FNIP2: variants seen among roughly 807,000 people sequenced by gnomAD.
FNIP2 encodes folliculin-interacting protein 2.
Under a neutral mutation model 108.7 loss-of-function variants are expected in FNIP2, and 32 were observed. The observed-to-expected ratio is 0.29, with a 90% CI of 0.22 to 0.40. FNIP2 has a LOEUF of 0.40. FNIP2 is among the 10% of genes least tolerant of loss of function. The pLI, the probability that FNIP2 is intolerant of heterozygous loss-of-function variation, is 1.00. For missense variants in FNIP2, 1,202 were observed against 1,381.6 expected, an observed-to-expected ratio of 0.87 and a Z score of 2.06; for synonymous variants, 480 against 496.7, an observed-to-expected ratio of 0.97 and a Z score of 0.45.
intron 3 of FNIP2, among the ~76,000 whole-genome samples, chr4:158,829,868 T>C (rs1179334570): frequency 6.6e-6 from 1 of 152,214 alleles, no homozygotes; most frequent in Non-Finnish European, 1.5e-5. Context: ...CTTAAACCCA[T>C]GTAGAATCTT....
chr4:158,831,685 T>A (rs1778490916), intron 3 of FNIP2, among the ~76,000 whole-genome samples, 176 bp from the exon 4 acceptor site: 1 of 152,150 alleles, frequency 6.6e-6, no homozygotes, highest in East Asian at 1.9e-4. Context: ...TAGTAATACT[T>A]TGGGGGGGAA....
intron 16 of FNIP2, among the ~76,000 whole-genome samples, chr4:158,901,996 TCAAACTCAATTCTC>T (rs1039286255): frequency 6.6e-6 from 1 of 152,100 alleles, no homozygotes; most frequent in African/African-American, 2.4e-5. Context: ...TGTCAATTCA[TCAAACTCAATTCTC>T]CATCCAGTTT....
chr4:158,855,340 C>T (rs910603200), intron 8 of FNIP2, among the ~76,000 whole-genome samples: 5 of 152,152 alleles, frequency 3.3e-5, no homozygotes, highest in African/African-American at 4.8e-5. Flanking sequence ...AGAGGGGGGA[C>T]GCTGTGCGTG....
At chr4:158,854,323 C>T (rs1452968752) in intron 8 of FNIP2, among the ~76,000 whole-genome samples, 1 of 152,144 alleles carries the variant, frequency 6.6e-6, no homozygotes, top group Non-Finnish European at 1.5e-5. Flanking sequence ...TACCAGAGTC[C>T]CTCCTCTCTC....
chr4:158,820,974 G>A (rs1429794148), intron 1 of FNIP2, among the ~76,000 whole-genome samples: 1 of 152,160 alleles, frequency 6.6e-6, no homozygotes, highest in Non-Finnish European at 1.5e-5. Context: ...TACAGTACAT[G>A]GCTCTAGATA....
intron 9 of FNIP2, 122 bp downstream of exon 9, chr4:158,859,380 A>G (rs1780160487): frequency 1.7e-6 from 2 of 1,197,870 alleles, no homozygotes; most frequent in Admixed American, 5.0e-5. Flanking sequence ...TGTAGCAGTG[A>G]TAAATTTTAG....
chr4:158,825,413 T>C lies in FNIP2; in HGVS notation c.108-503T>C, dbSNP rs572387495. Among the ~76,000 whole-genome samples, 42 of 152,316 alleles carry C rather than the reference T, an allele frequency of 2.8e-4. No homozygotes were observed. In the South Asian group the frequency reaches 2.9e-3, roughly 11 times the overall value. On this transcript the variant is annotated intron_variant, in intron 1 of 16. Transcript: ENST00000264433. The stretch of plus-strand genomic sequence containing the variant: ...TAGAGCTAGCCATAATCGGGGAAGA[T>C]AATAAATTTTAGGGTATGTAATTCC...
chr4:158,882,153 C>T lies in FNIP2; in HGVS notation c.2950-9293C>T, dbSNP rs1415726297. On this transcript the variant is annotated intron_variant, in intron 14 of 16. Coordinates refer to ENST00000264433, the MANE Select transcript of FNIP2 (RefSeq NM_020840.3). Reference sequence around the variant, plus strand: ...ATGAGGAGCCCCTCTGCCCGGCAGCCGCCCCATCTGAGAAGTGAGGAGCCC... The same window carrying T: ...ATGAGGAGCCCCTCTGCCCGGCAGCTGCCCCATCTGAGAAGTGAGGAGCCC... Among the ~76,000 whole-genome samples the T allele has an allele frequency of 4.6e-5, 7 of 151,374 alleles. No homozygotes were observed. In the East Asian group the frequency reaches 5.9e-4, roughly 13 times the overall value.
At chr4:158,854,749 A>G (rs1363417007) in intron 8 of FNIP2, among the ~76,000 whole-genome samples, 1 of 152,194 alleles carries the variant, frequency 6.6e-6, no homozygotes, top group Non-Finnish European at 1.5e-5. Context: ...ATATGATCTA[A>G]TGGTAATAGA....
chr4:158,869,172 G>A lies in FNIP2; in HGVS notation c.2536G>A (p.Glu846Lys), dbSNP rs1221214237. 2 of 1,614,068 alleles carry A rather than the reference G, an allele frequency of 1.2e-6. No individual in the cohort carries two copies. The highest frequency in any genetic ancestry group is 1.7e-6 in the Non-Finnish European group (2 of 1,179,906). The change falls in exon 13 of 17, where the codon GAA becomes AAA. Residue 846 changes from glutamate to lysine, a missense_variant. By Grantham distance (56) the Glu-to-Lys change is moderately conservative. Transcript: ENST00000264433. The part of the protein sequence containing the change: ...ATRGLYVKAA[E>K]GPVLEPVAPR... ...TAGAGGTTTGTATGTGAAGGCTGCG[G>A]AAGGACCTGTGCTGGAGCCTGTTGC...
At chr4:158,828,738 G>A (rs1274960189) in intron 2 of FNIP2, among the ~76,000 whole-genome samples, 2 of 152,160 alleles carry the variant, frequency 1.3e-5, no homozygotes, top group African/African-American at 2.4e-5. Flanking sequence ...CCTCATCAAT[G>A]TAATGGATTA....
rs1729742292 is a variant in FNIP2, at chr4:158,905,396, A to G, written c.*852A>G. 6.6e-6 allele frequency: 1 copy of G among 152,230 alleles called. No individual in the cohort carries two copies. Among genetic ancestry groups the G allele is most frequent in the African/African-American group, 2.4e-5 (1 of 41,454 alleles). 9.4% of individuals were successfully genotyped at this position (152,230 alleles called of 1,614,324 possible). A position where few individuals can be genotyped will look rare whatever the true frequency, so the allele number is the denominator to read the frequency against. ...TACCAAAGTTATTTCTATAAGCTCA[A>G]GAGTGTTTCGGTTGGTAAGTTCTTC... On this transcript the variant is annotated 3_prime_UTR_variant, in exon 17 of 17. Coordinates refer to ENST00000264433, the MANE Select transcript of FNIP2 (RefSeq NM_020840.3).
chr4:158,852,156 A>G (rs887246246), intron 8 of FNIP2, among the ~76,000 whole-genome samples: 4 of 152,244 alleles, frequency 2.6e-5, no homozygotes, highest in African/African-American at 9.6e-5. Flanking sequence ...GTACTTGGAT[A>G]GTTTACAAGA....
rs202043597 is a variant in FNIP2, at chr4:158,904,546, C to T, written c.*2C>T. On this transcript the variant is annotated 3_prime_UTR_variant, in exon 17 of 17. Coordinates refer to ENST00000264433, the MANE Select transcript of FNIP2 (RefSeq NM_020840.3). The stretch of plus-strand genomic sequence containing the variant: ...TATGTGGCTCAAATACTCTTATAAG[C>T]TAAAGCTCAGGACAGTTCTTCCTTG... 1 of 1,611,628 alleles carries T rather than the reference C, an allele frequency of 6.2e-7. No homozygotes were observed. The highest frequency in any genetic ancestry group is 8.5e-7 in the Non-Finnish European group (1 of 1,178,850).
rs541559210 is a variant in FNIP2 at position 158,782,560 on chromosome 4, C to G, written c.107+13241C>G. Reference sequence around the variant, plus strand: ...TCCTCAAATTAGTTTCTTGACAGTTCTCTTGCCTCTTTTGATTCATTTCAC... The same window carrying G: ...TCCTCAAATTAGTTTCTTGACAGTTGTCTTGCCTCTTTTGATTCATTTCAC... On this transcript the variant is annotated intron_variant, in intron 1 of 16. Coordinates refer to ENST00000264433, the MANE Select transcript of FNIP2 (RefSeq NM_020840.3). Among the ~76,000 whole-genome samples, 3 of 143,200 alleles carry G rather than the reference C, an allele frequency of 2.1e-5. No individual in the cohort carries two copies. The South Asian group carries it at 6.5e-4, about 31-fold the overall frequency. 93.9% of individuals were successfully genotyped at this position (143,200 alleles called of 152,430 possible). A position where few individuals can be genotyped will look rare whatever the true frequency, so the allele number is the denominator to read the frequency against.
rs759521248 is a variant in FNIP2, at chr4:158,851,458, G to A, written c.857+8G>A. 24 of 1,613,732 alleles carry A rather than the reference G, an allele frequency of 1.5e-5. No individual in the cohort carries two copies. Among genetic ancestry groups the A allele is most frequent in the Non-Finnish European group, 1.6e-5 (19 of 1,179,826 alleles). On this transcript the variant is annotated splice_region_variant and intron_variant, in intron 8 of 16. Coordinates refer to ENST00000264433, the MANE Select transcript of FNIP2 (RefSeq NM_020840.3). ...TGGCATCATCCCAAGAAGGTGAGTT[G>A]CAAGTTTCCTCTTGCTGAGAAAAGT...
At chr4:158,815,530 C>G (rs1180987776) in intron 1 of FNIP2, among the ~76,000 whole-genome samples, 3 of 152,008 alleles carry the variant, frequency 2.0e-5, no homozygotes, top group Admixed American at 6.6e-5. Context: ...CTACAGGCGC[C>G]CGCCACCACG....
intron 10 of FNIP2, 105 bp downstream of exon 10, chr4:158,859,771 C>A: frequency 1.0e-6 from 1 of 966,576 alleles, no homozygotes; most frequent in South Asian, 1.4e-5. Context: ...AGTTATTCCT[C>A]ACTTTTGTGG....
chr4:158,817,082 A>G (rs975363424), intron 1 of FNIP2, among the ~76,000 whole-genome samples: 1 of 152,106 alleles, frequency 6.6e-6, no homozygotes, highest in Non-Finnish European at 1.5e-5. Flanking sequence ...TTGGCCTCCC[A>G]AAGTGTTGAG....
Sources: gnomAD v4.1 joint callset for allele counts (sites outside exome capture counted in the v4.1 genomes callset) on GRCh38, gnomAD v4.1.1 for gene constraint, MANE v1.5 for transcripts, NCBI Gene and HGNC (gene_info 2026-07-23, HGNC 2026-07-21) for gene names.